TMEM135: variants seen among roughly 807,000 people sequenced by gnomAD.
TMEM135 encodes the protein transmembrane protein 135, also known as peroxisomal membrane protein 52.
In TMEM135, 30 loss-of-function variants were observed where a neutral mutation model predicts 60.3. That is an observed-to-expected ratio of 0.50 (90% CI 0.37 to 0.68). TMEM135 has a LOEUF of 0.68. Among genes scored for constraint, TMEM135 ranks in the 30% least tolerant of loss-of-function variants. The pLI, the probability that TMEM135 is intolerant of heterozygous loss-of-function variation, is 0.00. For synonymous variants in TMEM135, 190 were observed against 186.7 expected (o/e 1.02, Z -0.14); for missense variants, 468 against 548.8 (o/e 0.85, Z 1.47).
chr11:87,209,435 A>G (rs1244933983), intron 5 of TMEM135, among the ~76,000 whole-genome samples: 1 of 152,202 alleles, frequency 6.6e-6, no homozygotes, highest in Middle Eastern at 3.2e-3. Context: ...ACTAGTAATG[A>G]TCAGAAAGGA....
chr11:87,069,185 C>A (rs1003505525), intron 2 of TMEM135, among the ~76,000 whole-genome samples: 18 of 146,172 alleles, frequency 1.2e-4, no homozygotes, highest in African/African-American at 4.5e-4. Context: ...ACTTGGGAGG[C>A]TGAGGCAGGA....
intron 4 of TMEM135, 28 bp from the exon 5 acceptor site, chr11:87,157,313 T>A: frequency 6.3e-7 from 1 of 1,579,846 alleles, no homozygotes; most frequent in Non-Finnish European, 8.6e-7. Context: ...ATCATATATT[T>A]TTGCTGTTTT....
At chr11:87,040,049 C>A (rs955677317) in intron 1 of TMEM135, among the ~76,000 whole-genome samples, 1 of 152,124 alleles carries the variant, frequency 6.6e-6, no homozygotes, top group African/African-American at 2.4e-5. Context: ...TCTCATGTGG[C>A]CTTGTACCCT....
intron 5 of TMEM135, among the ~76,000 whole-genome samples, chr11:87,163,408 G>A (rs1404611176): frequency 1.8e-4 from 26 of 143,186 alleles, no homozygotes; most frequent in Non-Finnish European, 1.5e-5. Context: ...TGGTGTATAT[G>A]TGCCACATTT....
At chr11:87,191,170 G>C (rs1188586598) in intron 5 of TMEM135, among the ~76,000 whole-genome samples, 1 of 151,908 alleles carries the variant, frequency 6.6e-6, no homozygotes. Context: ...AGTGTCCTAA[G>C]ATAGGGCAAG....
chr11:87,079,125 C>T (rs948374164), intron 3 of TMEM135, among the ~76,000 whole-genome samples: 1 of 152,156 alleles, frequency 6.6e-6, no homozygotes, highest in Non-Finnish European at 1.5e-5. Context: ...TCTGCCTCAG[C>T]CTCCCAGGTA....
At chr11:87,087,196 T>A (rs1392886203) in intron 3 of TMEM135, among the ~76,000 whole-genome samples, 1 of 151,874 alleles carries the variant, frequency 6.6e-6, no homozygotes, top group Admixed American at 6.6e-5. Flanking sequence ...ACTCCGAGGC[T>A]GCTGACATGC....
Position 87,321,338 on chromosome 11 carries a change from G to T in TMEM135, c.*5G>T, listed in dbSNP as rs373624774. The T allele has an allele frequency of 1.5e-5, 24 of 1,613,366 alleles. No individual in the cohort carries two copies. In the African/African-American group the frequency reaches 3.1e-4, roughly 21 times the overall value. ...TTGCCCACAGAGTTTTCCTGAAGAT[G>T]ACTGTAACTTATTAATGTGACTAAA... On this transcript the variant is annotated 3_prime_UTR_variant, in exon 15 of 15. Coordinates refer to ENST00000305494, the MANE Select transcript of TMEM135 (RefSeq NM_022918.4).
chr11:87,229,201 A>G (rs34806361), intron 5 of TMEM135, among the ~76,000 whole-genome samples: 9,748 of 152,126 alleles, frequency 0.064, 393 homozygotes, highest in South Asian at 0.12. Flanking sequence ...ATTTTTGTTG[A>G]TAATAAAATT....
intron 6 of TMEM135, among the ~76,000 whole-genome samples, chr11:87,257,566 A>T (rs961511006): frequency 6.6e-6 from 1 of 152,226 alleles, no homozygotes; most frequent in African/African-American, 2.4e-5. Context: ...TGTATTGAAT[A>T]TCTACTGCAT....
chr11:87,245,835 C>A (rs1396327936), intron 6 of TMEM135, among the ~76,000 whole-genome samples: 1 of 84,562 alleles, frequency 1.2e-5, no homozygotes, highest in Admixed American at 1.0e-4. Flanking sequence ...TTAATTGGAG[C>A]ATTTAGTCCA....
intron 5 of TMEM135, among the ~76,000 whole-genome samples, chr11:87,196,684 T>A (rs781402454): frequency 5.9e-5 from 9 of 152,170 alleles, no homozygotes; most frequent in Non-Finnish European, 8.8e-5. Context: ...AATATACTTA[T>A]GTACATTCTA....
At chr11:87,121,296 A>G (rs766158351) in intron 4 of TMEM135, 13 of 152,120 alleles carry the variant, frequency 8.5e-5, no homozygotes, top group Non-Finnish European at 5.9e-5. Flanking sequence ...CCTATGTACC[A>G]GTTTGGGTGC....
intron 6 of TMEM135, among the ~76,000 whole-genome samples, chr11:87,281,038 A>G (rs113060757): frequency 0.016 from 2,418 of 152,328 alleles, 65 homozygotes; most frequent in African/African-American, 0.054. Flanking sequence ...GCCCCTATTT[A>G]GAGTATGTAT....
At chr11:87,247,737 G>A (rs905000316) in intron 6 of TMEM135, among the ~76,000 whole-genome samples, 7 of 152,100 alleles carry the variant, frequency 4.6e-5, no homozygotes, top group Non-Finnish European at 7.4e-5. Flanking sequence ...GGAGTGACCC[G>A]ATTTTCCAGG....
intron 3 of TMEM135, 48 bp from the exon 4 acceptor site, chr11:87,091,314 A>C: frequency 6.6e-7 from 1 of 1,506,122 alleles, no homozygotes; most frequent in East Asian, 2.3e-5. Flanking sequence ...TAAAGTGATT[A>C]CTAAGTCAAA....
chr11:87,303,091 T>C (rs1034990011), intron 8 of TMEM135, among the ~76,000 whole-genome samples: 3 of 152,158 alleles, frequency 2.0e-5, no homozygotes. Context: ...GCAAGGGTCC[T>C]GAACCTCTGG....
Position 87,318,191 on chromosome 11 carries a change from G to A in TMEM135, c.1132G>A (p.Asp378Asn). ...AGKVPYFPHA[D>N]TIIYSISTAI... ...GAAGGTTCCCTATTTTCCTCATGCA[G>A]ATACTATCATCTATTCCATCTCTAC... is the stretch of plus-strand genomic sequence containing the variant. Residue 378 changes from aspartate to asparagine, a missense_variant, in exon 13 of 15, where the codon GAT becomes AAT. By Grantham distance (23) the Asp-to-Asn change is conservative. Coordinates refer to ENST00000305494, the MANE Select transcript of TMEM135 (RefSeq NM_022918.4). 1 of 1,612,804 alleles carries A rather than the reference G, an allele frequency of 6.2e-7. No individual in the cohort carries two copies.
At chr11:87,131,169 A>G (rs974246710) in intron 4 of TMEM135, among the ~76,000 whole-genome samples, 1 of 152,194 alleles carries the variant, frequency 6.6e-6, no homozygotes, top group African/African-American at 2.4e-5. Context: ...GCATTAATGC[A>G]TTACATTTGT....
Sources: allele counts gnomAD v4.1 joint callset (sites outside exome capture counted in the v4.1 genomes callset), GRCh38; gene constraint gnomAD v4.1.1; transcripts MANE v1.5; gene names NCBI Gene and HGNC (gene_info 2026-07-23, HGNC 2026-07-21).